CDH13: variants seen among roughly 807,000 people sequenced by gnomAD.
The protein encoded by CDH13 is cadherin-13.
In CDH13, 24 loss-of-function variants were observed where a neutral mutation model predicts 63.8. The observed-to-expected ratio is 0.38, with a 90% CI of 0.27 to 0.53. The LOEUF (loss-of-function observed/expected upper bound fraction) is 0.53. Ranked by LOEUF, CDH13 falls within the 20% of genes least tolerant of loss-of-function variation. CDH13 has a pLI of 0.85. For missense variants in CDH13, 1,049 were observed against 903.1 expected (o/e 1.16, Z -2.07); for synonymous variants, 503 against 355.3 (o/e 1.42, Z -4.67).
chr16:83,218,882 A>C (rs1207513505), intron 5 of CDH13, among the ~76,000 whole-genome samples: 2 of 152,010 alleles, frequency 1.3e-5, no homozygotes, highest in East Asian at 3.9e-4. Flanking sequence ...GTCTCATGAG[A>C]TCTGATGGTT....
chr16:83,363,569 C>G (rs1215288501), intron 6 of CDH13, among the ~76,000 whole-genome samples: 2 of 152,248 alleles, frequency 1.3e-5, no homozygotes. Context: ...CTGAAATGGT[C>G]AATTGGTTAA....
chr16:83,098,954 G>C (rs749472012), intron 3 of CDH13, among the ~76,000 whole-genome samples: 1 of 152,030 alleles, frequency 6.6e-6, no homozygotes, highest in Non-Finnish European at 1.5e-5. Context: ...TCAGGTACAG[G>C]ACAAATGTCA....
chr16:83,450,041 T>G (rs1023080445), intron 6 of CDH13, among the ~76,000 whole-genome samples: 4 of 152,166 alleles, frequency 2.6e-5, no homozygotes, highest in Non-Finnish European at 5.9e-5. Context: ...TGCTCATCAC[T>G]GGGGTTGCAG....
chr16:83,540,731 T>G (rs541358878), intron 7 of CDH13, among the ~76,000 whole-genome samples: 7 of 152,302 alleles, frequency 4.6e-5, no homozygotes, highest in African/African-American at 1.7e-4. Context: ...GTGACTGGTC[T>G]CAAGTAGTAA....
At chr16:83,114,057 T>TA (rs1217704396) in intron 3 of CDH13, among the ~76,000 whole-genome samples, 1 of 152,198 alleles carries the variant, frequency 6.6e-6, no homozygotes, top group African/African-American at 2.4e-5. Flanking sequence ...TGAAAACTGT[T>TA]ACTTCTGTTC....
chr16:83,246,892 C>A (rs150305659), intron 5 of CDH13, among the ~76,000 whole-genome samples: 1 of 152,216 alleles, frequency 6.6e-6, no homozygotes, highest in Non-Finnish European at 1.5e-5. Flanking sequence ...TCTGTTCCTG[C>A]ATGCTAAAAT....
At chr16:82,689,512 G>C (rs1443814754) in intron 1 of CDH13, among the ~76,000 whole-genome samples, 1 of 152,036 alleles carries the variant, frequency 6.6e-6, no homozygotes, top group Non-Finnish European at 1.5e-5. Flanking sequence ...TTATTTTTGA[G>C]GCCACCTTGC....
chr16:82,847,458 G>A (rs1393392336), intron 1 of CDH13, among the ~76,000 whole-genome samples: 4 of 152,062 alleles, frequency 2.6e-5, no homozygotes, highest in African/African-American at 7.2e-5. Context: ...AGCAATGTGG[G>A]GCTGAGTTCA....
At chr16:83,514,817 C>G (rs2074664578) in intron 7 of CDH13, among the ~76,000 whole-genome samples, 1 of 152,060 alleles carries the variant, frequency 6.6e-6, no homozygotes, top group South Asian at 2.1e-4. Context: ...CAGATGTTCC[C>G]TCAGAACTTC....
chr16:83,748,223 A>G lies in CDH13; in HGVS notation c.1654A>G (p.Thr552Ala). Residue 552 changes from threonine (T) to alanine (A), a missense_variant, in exon 11 of 14, where the codon ACT becomes GCT. Transcript: ENST00000567109. Reference protein sequence around the residue: ...ESPFVDNSVYTALFLAIDSGN... With the variant: ...ESPFVDNSVYAALFLAIDSGN... Reference sequence around the variant, plus strand: ...CCCATTTGTCGACAACAGCGTGTACACTGCTCTCTTCCTGGCAATTGACAG... The same window carrying G: ...CCCATTTGTCGACAACAGCGTGTACGCTGCTCTCTTCCTGGCAATTGACAG... 1.2e-6 allele frequency: 2 copies of G among 1,612,654 alleles called. No individual in the cohort carries two copies. Among genetic ancestry groups the G allele is most frequent in the Non-Finnish European group, 1.7e-6 (2 of 1,178,858 alleles).
At chr16:83,511,926 A>G (rs1427067997) in intron 7 of CDH13, among the ~76,000 whole-genome samples, 9 of 152,174 alleles carry the variant, frequency 5.9e-5, no homozygotes, top group Admixed American at 5.9e-4. Context: ...GGGCTCATAA[A>G]AGCAATCACT....
At chr16:83,792,942 T>C (rs1255905644) in intron 13 of CDH13, among the ~76,000 whole-genome samples, 1 of 152,076 alleles carries the variant, frequency 6.6e-6, no homozygotes, top group Non-Finnish European at 1.5e-5. Context: ...ATGGTAAAAA[T>C]GAAAAGAGTG....
In CDH13 at chr16:83,489,208, T is replaced by G. The variant is rs74867665; in HGVS notation, c.960+2553T>G. Among the ~76,000 whole-genome samples, 1,403 of 152,322 alleles carry G rather than the reference T, an allele frequency of 9.2e-3. 16 individuals carry two copies. Among genetic ancestry groups the G allele is most frequent in the African/African-American group, 0.032 (1,329 of 41,574 alleles). On this transcript the variant is annotated intron_variant, in intron 7 of 13. Transcript: ENST00000567109. Reference sequence around the variant, plus strand: ...GATAATGTAGTAAATTATCCCATTTTTAAAGTTTATTTTAGGGGACAAATG... The same window carrying G: ...GATAATGTAGTAAATTATCCCATTTGTAAAGTTTATTTTAGGGGACAAATG...
chr16:83,451,123 A>G (rs1021784914), intron 6 of CDH13, among the ~76,000 whole-genome samples: 7 of 152,204 alleles, frequency 4.6e-5, no homozygotes, highest in African/African-American at 1.2e-4. Context: ...TTTCTGAAGC[A>G]AAGGAGAATC....
intron 5 of CDH13, among the ~76,000 whole-genome samples, chr16:83,239,617 T>G (rs1257599711): frequency 6.6e-6 from 1 of 152,246 alleles, no homozygotes; most frequent in Non-Finnish European, 1.5e-5. Flanking sequence ...GTCTACTTTC[T>G]GTGACTGAGG....
At chr16:82,941,175 C>T (rs1217760592) in intron 2 of CDH13, among the ~76,000 whole-genome samples, 1 of 152,182 alleles carries the variant, frequency 6.6e-6, no homozygotes, top group Non-Finnish European at 1.5e-5. Context: ...CATCCACATT[C>T]ATTTATTTAT....
chr16:82,983,087 T>G (rs1910493222), intron 2 of CDH13, among the ~76,000 whole-genome samples: 2 of 152,122 alleles, frequency 1.3e-5, no homozygotes, highest in African/African-American at 4.8e-5. Context: ...TTATTATCTT[T>G]CCTCACCAAA....
intron 1 of CDH13, chr16:82,826,804 T>C (rs2038277913): frequency 6.6e-6 from 1 of 152,294 alleles, no homozygotes; most frequent in African/African-American, 2.4e-5. Context: ...ATATTGAGCA[T>C]AGACATCTAA....
intron 1 of CDH13, among the ~76,000 whole-genome samples, chr16:82,696,535 A>C (rs1488714521): frequency 6.6e-6 from 1 of 152,022 alleles, no homozygotes; most frequent in African/African-American, 2.4e-5. Context: ...GCAAATATGT[A>C]AAAAAAAGTC....
Sources: allele counts gnomAD v4.1 joint callset (sites outside exome capture counted in the v4.1 genomes callset), GRCh38; gene constraint gnomAD v4.1.1; transcripts MANE v1.5; gene names NCBI Gene and HGNC (gene_info 2026-07-23, HGNC 2026-07-21).